The following RGS7 variants were observed in gnomAD, a reference collection of about 807,000 sequenced individuals.
RGS7 encodes regulator of G protein signaling 7.
A neutral mutation model predicts 81.1 loss-of-function variants in RGS7; 27 were observed. The ratio of observed to expected loss-of-function variants is 0.33; its 90% CI spans 0.25 to 0.46. The LOEUF is 0.46. Ranked by LOEUF, RGS7 falls within the 20% of genes least tolerant of loss-of-function variation. RGS7 has a pLI of 1.00. For synonymous variants in RGS7, 208 were observed against 207.7 expected, an observed-to-expected ratio of 1.00 and a Z score of -0.01; for missense variants, 396 against 607.4, an observed-to-expected ratio of 0.65 and a Z score of 3.66.
intron 2 of RGS7, among the ~76,000 whole-genome samples, chr1:241,287,324 A>T (rs185117956): frequency 2.0e-5 from 3 of 152,220 alleles, no homozygotes; most frequent in Admixed American, 6.5e-5. Context: ...ACCCAGTGGG[A>T]GGTGATTGAA....
intron 3 of RGS7, among the ~76,000 whole-genome samples, chr1:241,058,598 G>T (rs2061590007): frequency 6.6e-6 from 1 of 152,202 alleles, no homozygotes; most frequent in African/African-American, 2.4e-5. Flanking sequence ...ATATTTTGTT[G>T]CCATGTGACT....
At chr1:241,257,201 G>A (rs566560676) in intron 2 of RGS7, among the ~76,000 whole-genome samples, 2 of 152,066 alleles carry the variant, frequency 1.3e-5, no homozygotes, top group African/African-American at 2.4e-5. Flanking sequence ...AGATCAAGGT[G>A]CCAGCAGATT....
intron 2 of RGS7, among the ~76,000 whole-genome samples, chr1:241,265,238 T>C (rs1166308671): frequency 6.6e-6 from 1 of 152,238 alleles, no homozygotes; most frequent in Non-Finnish European, 1.5e-5. Flanking sequence ...CTGTCAATGT[T>C]ATCTGTCCAG....
chr1:240,915,271 T>C (rs1385954566), intron 6 of RGS7, among the ~76,000 whole-genome samples: 5 of 152,080 alleles, frequency 3.3e-5, no homozygotes, highest in African/African-American at 1.2e-4. Context: ...CCAGCCCCTC[T>C]ATCCTTCCCA....
At chr1:241,014,179 C>T (rs865967991) in intron 3 of RGS7, among the ~76,000 whole-genome samples, 73 of 152,266 alleles carry the variant, frequency 4.8e-4, no homozygotes, top group African/African-American at 1.6e-3. Flanking sequence ...AATAATTTCT[C>T]CTTTCTTTCA....
At chr1:240,784,032 A>G (rs1684598198) in intron 18 of RGS7, among the ~76,000 whole-genome samples, 1 of 150,786 alleles carries the variant, frequency 6.6e-6, no homozygotes, top group Non-Finnish European at 1.5e-5. Context: ...AAAAAAAAAA[A>G]AAAAAATAGC....
intron 4 of RGS7, among the ~76,000 whole-genome samples, chr1:240,941,916 G>A (rs994438990): frequency 4.0e-5 from 6 of 150,140 alleles, no homozygotes; most frequent in Non-Finnish European, 8.9e-5. Flanking sequence ...CAAAATAATC[G>A]CTAATTAATC....
At chr1:240,847,604 T>A (rs785976) in intron 9 of RGS7, among the ~76,000 whole-genome samples, 123,531 of 152,142 alleles carry the variant, frequency 0.81, 50,703 homozygotes, top group African/African-American at 0.93. Context: ...CATTTAGCTC[T>A]TGACACAATG....
chr1:241,159,492 T>TTCCTTCCA (rs1553271825), intron 2 of RGS7, among the ~76,000 whole-genome samples: 1 of 151,854 alleles, frequency 6.6e-6, no homozygotes. Flanking sequence ...CCTTCCTTCC[T>TTCCTTCCA]TCCATCCATC....
intron 5 of RGS7, among the ~76,000 whole-genome samples, chr1:240,935,760 G>A (rs1676516291): frequency 6.6e-6 from 1 of 152,212 alleles, no homozygotes; most frequent in Non-Finnish European, 1.5e-5. Context: ...TAGACATAGA[G>A]CATTTAATAA....
intron 18 of RGS7, among the ~76,000 whole-genome samples, chr1:240,793,766 T>C (rs925358084): frequency 3.3e-5 from 5 of 151,264 alleles, no homozygotes; most frequent in East Asian, 2.0e-4. Flanking sequence ...TCCGCCACCA[T>C]GGCCAGTTAA....
intron 4 of RGS7, among the ~76,000 whole-genome samples, chr1:240,959,379 G>A (rs186416303): frequency 6.6e-6 from 1 of 152,230 alleles, no homozygotes; most frequent in Admixed American, 6.5e-5. Context: ...AGACTATATG[G>A]TATAGCCTAT....
chr1:241,286,388 G>C (rs1416257349), intron 2 of RGS7, among the ~76,000 whole-genome samples: 1 of 152,146 alleles, frequency 6.6e-6, no homozygotes, highest in Non-Finnish European at 1.5e-5. Context: ...AAAGGGATGA[G>C]AGATCGTTTC....
intron 2 of RGS7, among the ~76,000 whole-genome samples, chr1:241,353,377 C>T (rs1024620386): frequency 2.0e-5 from 3 of 152,194 alleles, no homozygotes; most frequent in Non-Finnish European, 2.9e-5. Context: ...TGTGATGTCA[C>T]GATCTATGTC....
At chr1:241,091,378 C>T (rs1418207094) in intron 3 of RGS7, among the ~76,000 whole-genome samples, 1 of 151,520 alleles carries the variant, frequency 6.6e-6, no homozygotes, top group Non-Finnish European at 1.5e-5. Flanking sequence ...GAAACCCCGT[C>T]TCTATTAAAA....
intron 9 of RGS7, 89 bp from the exon 10 acceptor site, chr1:240,827,261 C>T (rs979794174): frequency 5.2e-5 from 52 of 997,820 alleles, no homozygotes; most frequent in East Asian, 7.2e-5. Context: ...CTCCAGAGCC[C>T]GAGCAAATGC....
intron 2 of RGS7, among the ~76,000 whole-genome samples, chr1:241,241,349 A>T (rs2076249073): frequency 6.6e-6 from 1 of 151,920 alleles, no homozygotes; most frequent in Non-Finnish European, 1.5e-5. Flanking sequence ...AAAAGTAATG[A>T]CAAAAACCAC....
At chr1:241,045,353 TTTAC>T (rs1463742378) in intron 3 of RGS7, among the ~76,000 whole-genome samples, 7 of 152,108 alleles carry the variant, frequency 4.6e-5, no homozygotes, top group East Asian at 1.9e-4. Flanking sequence ...TGTCTTTGTA[TTTAC>T]TTACTTATTT....
At chr1:240,998,897 C>G in intron 3 of RGS7, 1 of 394,740 alleles carries the variant, frequency 2.5e-6, no homozygotes. Flanking sequence ...GTCCCCTTAT[C>G]TTTTTCCTAT....
Sources: gnomAD v4.1 joint callset for allele counts (sites outside exome capture counted in the v4.1 genomes callset) on GRCh38, gnomAD v4.1.1 for gene constraint, MANE v1.5 for transcripts, NCBI Gene and HGNC (gene_info 2026-07-23, HGNC 2026-07-21) for gene names.